EXOC4: variants seen among roughly 807,000 people sequenced by gnomAD.
EXOC4 encodes SEC8-like 1.
Under a neutral mutation model 107.2 loss-of-function variants are expected in EXOC4, and 71 were observed. The observed-to-expected ratio is 0.66, with a 90% CI of 0.55 to 0.81. EXOC4 has a LOEUF of 0.81. EXOC4 is among the 30% of genes least tolerant of loss of function. The pLI is 0.00. For missense variants in EXOC4, 1,108 were observed against 1,189.6 expected (o/e 0.93, Z 1.01); for synonymous variants, 456 against 441.2 (o/e 1.03, Z -0.42).
intron 12 of EXOC4, among the ~76,000 whole-genome samples, chr7:133,910,497 G>A (rs1799669210): frequency 1.3e-5 from 2 of 152,138 alleles, no homozygotes; most frequent in South Asian, 4.1e-4. Context: ...CTATCATAAA[G>A]CTCTCTGACC....
At chr7:133,978,694 T>A (rs1343886265) in intron 14 of EXOC4, among the ~76,000 whole-genome samples, 1 of 152,206 alleles carries the variant, frequency 6.6e-6, no homozygotes, top group Non-Finnish European at 1.5e-5. Context: ...GGATTTCACC[T>A]TCCTGCTGCG....
At chr7:133,534,310 T>C (rs947928164) in intron 9 of EXOC4, among the ~76,000 whole-genome samples, 1 of 152,200 alleles carries the variant, frequency 6.6e-6, no homozygotes, top group Non-Finnish European at 1.5e-5. Flanking sequence ...TTTTGTTCTG[T>C]TTCCAAGATG....
intron 9 of EXOC4, among the ~76,000 whole-genome samples, chr7:133,570,788 A>G (rs1045113533): frequency 6.6e-6 from 1 of 152,216 alleles, no homozygotes; most frequent in Non-Finnish European, 1.5e-5. Context: ...GGTTTGGAAC[A>G]AGATTTAAGA....
chr7:133,624,575 T>C (rs1802409432), intron 9 of EXOC4, among the ~76,000 whole-genome samples: 1 of 152,072 alleles, frequency 6.6e-6, no homozygotes, highest in Non-Finnish European at 1.5e-5. Flanking sequence ...AGAGCAAGAC[T>C]GCATCTCTCT....
intron 7 of EXOC4, among the ~76,000 whole-genome samples, chr7:133,454,564 TG>T (rs1798421208): frequency 6.6e-6 from 1 of 152,234 alleles, no homozygotes; most frequent in Non-Finnish European, 1.5e-5. Context: ...CCCAAAGTGC[TG>T]GGATTATAGG....
chr7:133,724,774 G>A (rs1364602658), intron 10 of EXOC4, among the ~76,000 whole-genome samples: 1 of 152,190 alleles, frequency 6.6e-6, no homozygotes, highest in Non-Finnish European at 1.5e-5. Flanking sequence ...TTTGGAGACA[G>A]ATGTTCTAGC....
chr7:133,646,569 C>G (rs1452614619), intron 10 of EXOC4, among the ~76,000 whole-genome samples: 4 of 152,168 alleles, frequency 2.6e-5, no homozygotes, highest in Non-Finnish European at 5.9e-5. Flanking sequence ...ACCAAACCCA[C>G]TTCTGGGAAT....
chr7:133,618,009 A>C (rs1802236900), intron 9 of EXOC4, among the ~76,000 whole-genome samples: 1 of 152,156 alleles, frequency 6.6e-6, no homozygotes, highest in Non-Finnish European at 1.5e-5. Flanking sequence ...CACATGATAC[A>C]CAGGATAAAG....
intron 10 of EXOC4, among the ~76,000 whole-genome samples, chr7:133,779,499 A>G (rs1040039191): frequency 2.0e-5 from 3 of 152,322 alleles, no homozygotes; most frequent in Admixed American, 2.0e-4. Context: ...CATTTCAATT[A>G]TTGAGTTCTT....
intron 1 of EXOC4, chr7:133,253,791 C>G (rs1040503003): frequency 6.6e-6 from 1 of 152,408 alleles, no homozygotes; most frequent in Admixed American, 6.5e-5. Context: ...AAAAACAGAA[C>G]CAAACCAATT....
chr7:133,968,954 C>G (rs1032659372), intron 14 of EXOC4, among the ~76,000 whole-genome samples: 4 of 152,174 alleles, frequency 2.6e-5, no homozygotes, highest in Non-Finnish European at 4.4e-5. Context: ...TGGTTCCATT[C>G]TCCTTGTCAC....
At chr7:133,563,715 G>T (rs537848209) in intron 9 of EXOC4, among the ~76,000 whole-genome samples, 2 of 152,268 alleles carry the variant, frequency 1.3e-5, no homozygotes, top group South Asian at 4.1e-4. Context: ...GGAAAATTTA[G>T]ATACATCTTA....
chr7:133,885,330 A>G (rs1056657297), intron 11 of EXOC4, among the ~76,000 whole-genome samples: 7 of 151,006 alleles, frequency 4.6e-5, no homozygotes, highest in Non-Finnish European at 8.8e-5. Context: ...AAAAAAAAAG[A>G]TACAGTGTAG....
chr7:134,050,847 C>T (rs535587270), intron 17 of EXOC4, among the ~76,000 whole-genome samples: 1 of 151,978 alleles, frequency 6.6e-6, no homozygotes, highest in African/African-American at 2.4e-5. Context: ...TTATTAAATA[C>T]AGAATAGTGA....
chr7:133,865,535 G>A (rs902894615), intron 11 of EXOC4, among the ~76,000 whole-genome samples: 5 of 152,012 alleles, frequency 3.3e-5, no homozygotes, highest in African/African-American at 9.7e-5. Flanking sequence ...ATGATCAGTT[G>A]TGTTAGTCTG....
chr7:133,432,393 A>ATG (rs1797875523), intron 7 of EXOC4, among the ~76,000 whole-genome samples: 1 of 152,306 alleles, frequency 6.6e-6, no homozygotes, highest in South Asian at 2.1e-4. Flanking sequence ...TGGTGAGCTA[A>ATG]TGTATGGGAC....
At chr7:133,970,735 AC>A (rs1446120505) in intron 14 of EXOC4, among the ~76,000 whole-genome samples, 1 of 151,100 alleles carries the variant, frequency 6.6e-6, no homozygotes, top group Non-Finnish European at 1.5e-5. Flanking sequence ...TGCAGAAATC[AC>A]CCACCTTCTG....
intron 7 of EXOC4, among the ~76,000 whole-genome samples, chr7:133,466,683 C>T (rs1279585495): frequency 6.6e-6 from 1 of 152,148 alleles, no homozygotes; most frequent in Non-Finnish European, 1.5e-5. Flanking sequence ...TCCTACTAGG[C>T]CAGTATTACC....
chr7:133,887,125 C>A (rs1799101727), intron 11 of EXOC4, among the ~76,000 whole-genome samples: 2 of 152,194 alleles, frequency 1.3e-5, no homozygotes, highest in South Asian at 4.1e-4. Context: ...AAAACCTTGA[C>A]CTCCAGTGGG....
Sources: allele counts gnomAD v4.1 joint callset (sites outside exome capture counted in the v4.1 genomes callset), GRCh38; gene constraint gnomAD v4.1.1; transcripts MANE v1.5; gene names NCBI Gene and HGNC (gene_info 2026-07-23, HGNC 2026-07-21).